OR2T29: variants seen among roughly 807,000 people sequenced by gnomAD.
OR2T29 encodes the protein olfactory receptor 2T29.
For synonymous variants in OR2T29, 2 were observed against 44.9 expected (o/e 0.04, Z 3.82); for missense variants, 7 against 121.9 (o/e 0.06, Z 4.44).
rs1659467447 is a variant in OR2T29, at chr1:248,557,228, A to G, written c.*1316T>C. 1 of 150,104 alleles carries G rather than the reference A, an allele frequency of 6.7e-6. No individual in the cohort carries two copies. The highest frequency in any genetic ancestry group is 2.4e-5 in the African/African-American group (1 of 41,282). 9.3% of individuals were successfully genotyped at this position (150,104 alleles called of 1,614,324 possible). On this transcript the variant is annotated 3_prime_UTR_variant, in exon 2 of 2. Transcript: ENST00000641069. ...AAAATACAAATCTGATCATTTCACTATTGTTTGTAAAACCCTGGGCCACAC... is the reference window on the plus strand; with the variant it reads ...AAAATACAAATCTGATCATTTCACTGTTGTTTGTAAAACCCTGGGCCACAC...
intron 1 of OR2T29, among the ~76,000 whole-genome samples, chr1:248,560,457 CA>C (rs1659523111): frequency 1.3e-5 from 1 of 76,990 alleles, no homozygotes; most frequent in African/African-American, 2.8e-5. Flanking sequence ...AGCTGACTTT[CA>C]AAATAAAAAT....
At position 248,562,742 on chromosome 1, in the gene OR2T29, G is replaced by A. The variant is rs1659544209; in HGVS notation, c.-27C>T. ...CGAACTCACCATCAGATGATGTCTT[G>A]AACCTCACCTAGATGGGCTGGTGGT... On this transcript the variant is annotated 5_prime_UTR_variant, in exon 1 of 2. Transcript: ENST00000641069. 6.9e-6 allele frequency: 1 copy of A among 144,620 alleles called. No homozygotes were observed. Among genetic ancestry groups the A allele is most frequent in the African/African-American group, 2.6e-5 (1 of 38,582 alleles). 9.0% of individuals were successfully genotyped at this position (144,620 alleles called of 1,614,324 possible). A position where few individuals can be genotyped will look rare whatever the true frequency, so the allele number is the denominator to read the frequency against.
intron 1 of OR2T29, among the ~76,000 whole-genome samples, chr1:248,562,218 A>C (rs1363461752): frequency 1.3e-5 from 2 of 150,886 alleles, no homozygotes; most frequent in Non-Finnish European, 3.0e-5. Context: ...TCTCAGCCCG[A>C]GAGTGAGAGC....
At chr1:248,560,215 G>C (rs999079298) in intron 1 of OR2T29, among the ~76,000 whole-genome samples, 2 of 37,574 alleles carry the variant, frequency 5.3e-5, no homozygotes, top group African/African-American at 8.7e-5. Context: ...ACATCAAAAA[G>C]GATAAAAATC....
chr1:248,562,001 A>T (rs910631358), intron 1 of OR2T29, among the ~76,000 whole-genome samples: 1 of 147,450 alleles, frequency 6.8e-6, no homozygotes, highest in Non-Finnish European at 1.5e-5. Context: ...ATTTATTATA[A>T]GTATAAATGG....
At position 248,557,189 on chromosome 1, in the gene OR2T29, C is replaced by G. The variant is rs1316400626; in HGVS notation, c.*1355G>C. 1 of 152,280 alleles carries G rather than the reference C, an allele frequency of 6.6e-6. No individual in the cohort carries two copies. The highest frequency in any genetic ancestry group is 6.5e-5 in the Admixed American group (1 of 15,292). The allele number at this position is 152,280 out of a possible 1,614,324, so 9.4% of individuals were successfully genotyped here. A position where few individuals can be genotyped will look rare whatever the true frequency, so the allele number is the denominator to read the frequency against. The stretch of plus-strand genomic sequence containing the variant: ...TGCACATCTCCAATTGATCACCACA[C>G]AAATAACATTTCTAAAATACAAATC... On this transcript the variant is annotated 3_prime_UTR_variant, in exon 2 of 2. Transcript: ENST00000641069.
rs1270942450 is a variant in OR2T29, at chr1:248,562,561, TAAGA to T, written c.-11+161_-11+164del. 2.1e-5 allele frequency: 3 copies of T among 144,756 alleles called. No homozygotes were observed. The East Asian group carries it at 6.0e-4, about 29-fold the overall frequency. The allele number at this position is 144,756 out of a possible 1,614,324, so 9.0% of individuals were successfully genotyped here. On this transcript the variant is annotated intron_variant, in intron 1 of 1. Coordinates refer to ENST00000641069, the MANE Select transcript of OR2T29 (RefSeq NM_001004694.3). ...GTAAATAAGTGTTGTATAGAAGTTA[TAAGA>T]AAGAATAACATTTGCTTTTCTCCAT... is the stretch of plus-strand genomic sequence containing the variant.
chr1:248,559,058 C>G lies in OR2T29; in HGVS notation c.434G>C (p.Cys145Ser). The G allele has an allele frequency of 3.9e-6, 1 of 253,200 alleles. No homozygotes were observed. The highest frequency in any genetic ancestry group is 6.8e-6 in the Non-Finnish European group (1 of 147,338). The allele number at this position is 253,200 out of a possible 1,614,324, so 15.7% of individuals were successfully genotyped here. ...RYPVLMNHRV[C>S]LFLASGCWFL... is the part of the protein sequence containing the mutation. ...CCAGCAGCCCGATGCCAGGAAAAGACAGACCCTATGGTTCATGAGGACAGG... is the reference window on the plus strand; with the variant it reads ...CCAGCAGCCCGATGCCAGGAAAAGAGAGACCCTATGGTTCATGAGGACAGG... Residue 145 changes from cysteine (C) to serine (S), a missense_variant, in exon 2 of 2, where the codon TGT becomes TCT. Physicochemically the swap from Cys to Ser is moderately radical, Grantham distance 112. Coordinates refer to ENST00000641069, the MANE Select transcript of OR2T29 (RefSeq NM_001004694.3).
At chr1:248,560,389 TTA>T (rs1659521359) in intron 1 of OR2T29, among the ~76,000 whole-genome samples, 1 of 95,374 alleles carries the variant, frequency 1.0e-5, no homozygotes. Context: ...GCTACTATTA[TTA>T]TATAAGATAT....
chr1:248,558,191 C>CTCTA lies in OR2T29; in HGVS notation c.*349_*352dup, dbSNP rs1234202711. ...GAACTCAGTTTGTTTCATTGCCCCT[C>CTCTA]TCTATCTCCCTCCCTCTTTCCCTCT... On this transcript the variant is annotated 3_prime_UTR_variant, in exon 2 of 2. Transcript: ENST00000641069. The CTCTA allele has an allele frequency of 1.4e-4, 15 of 110,898 alleles. No individual in the cohort carries two copies. The highest frequency in any genetic ancestry group is 5.0e-4 in the African/African-American group (15 of 29,834). 6.9% of individuals were successfully genotyped at this position (110,898 alleles called of 1,614,324 possible). A position where few individuals can be genotyped will look rare whatever the true frequency, so the allele number is the denominator to read the frequency against.
intron 1 of OR2T29, among the ~76,000 whole-genome samples, chr1:248,559,940 TAAGA>T (rs1051827183): frequency 4.6e-5 from 1 of 21,808 alleles, no homozygotes; most frequent in Non-Finnish European, 2.1e-4. Flanking sequence ...ATATATGATA[TAAGA>T]AAGATTTAGC....
chr1:248,562,648 T>C (rs1423810330), intron 1 of OR2T29, 78 bp downstream of exon 1: 1 of 145,102 alleles, frequency 6.9e-6, no homozygotes, highest in Non-Finnish European at 1.5e-5. Flanking sequence ...ATAGAACGTT[T>C]CAGAAGCAGA....
Position 248,559,472 on chromosome 1 carries a change from A to G in OR2T29, c.20T>C (p.Met7Thr). The change falls in exon 2 of 2, where the codon ATG (methionine) becomes ACG (threonine). Residue 7 changes from methionine (M) to threonine (T), a missense_variant. By Grantham distance (81) the Met-to-Thr change is moderately conservative. Coordinates refer to ENST00000641069, the MANE Select transcript of OR2T29 (RefSeq NM_001004694.3). Reference protein sequence around the residue: MANITRMANHTGRLDFI... With the variant: MANITRTANHTGRLDFI... The stretch of plus-strand genomic sequence containing the variant: ...ATCCAACCTTCCAGTGTGGTTGGCC[A>G]TCCTGGTGATGTTGGCCATGAGGTT... The G allele has an allele frequency of 1.9e-6, 3 of 1,586,530 alleles. No individual in the cohort carries two copies.
At chr1:248,562,132 T>C (rs1366887279) in intron 1 of OR2T29, among the ~76,000 whole-genome samples, 1 of 148,942 alleles carries the variant, frequency 6.7e-6, no homozygotes, top group Non-Finnish European at 1.5e-5. Flanking sequence ...TTATTTTCTC[T>C]CTTTACATAT....
rs199668161 is a variant in OR2T29, at chr1:248,558,094, A to AAAAT, written c.*449_*450insATTT. The AAAAT allele has an allele frequency of 9.6e-6, 1 of 104,286 alleles. No individual in the cohort carries two copies. The allele number at this position is 104,286 out of a possible 1,614,324, so 6.5% of individuals were successfully genotyped here. A position where few individuals can be genotyped will look rare whatever the true frequency, so the allele number is the denominator to read the frequency against. ...TTGTAAATGATTTCAACTTCACAAA[A>AAAAT]ATCATTAAAAAACAATAGTACAATT... On this transcript the variant is annotated 3_prime_UTR_variant, in exon 2 of 2. Transcript: ENST00000641069.
chr1:248,562,052 G>T (rs1471633916), intron 1 of OR2T29, among the ~76,000 whole-genome samples: 1 of 142,528 alleles, frequency 7.0e-6, no homozygotes, highest in Admixed American at 6.9e-5. Flanking sequence ...CCCAGGAATT[G>T]TTCTAATACT....
intron 1 of OR2T29, among the ~76,000 whole-genome samples, chr1:248,560,574 A>AGT (rs1386284888): frequency 9.0e-4 from 20 of 22,150 alleles, no homozygotes; most frequent in African/African-American, 1.1e-3. Context: ...ATATAAATAT[A>AGT]TATAATATAT....
chr1:248,561,857 A>G (rs1190010355), intron 1 of OR2T29, among the ~76,000 whole-genome samples: 1 of 107,676 alleles, frequency 9.3e-6, no homozygotes, highest in Non-Finnish European at 1.8e-5. Context: ...AGCCACTATC[A>G]ACAGCTCAAC....
Position 248,557,127 on chromosome 1 carries a change from A to G in OR2T29, c.*1417T>C, listed in dbSNP as rs1404751604. 1 of 152,388 alleles carries G rather than the reference A, an allele frequency of 6.6e-6. No homozygotes were observed. 9.4% of individuals were successfully genotyped at this position (152,388 alleles called of 1,614,324 possible). A position where few individuals can be genotyped will look rare whatever the true frequency, so the allele number is the denominator to read the frequency against. ...CACTTAGATCAACATCATTTAGATC[A>G]CCATTCTCATGTACCTGGTCTCTAT... On this transcript the variant is annotated 3_prime_UTR_variant, in exon 2 of 2. Coordinates refer to ENST00000641069, the MANE Select transcript of OR2T29 (RefSeq NM_001004694.3).
Sources: allele counts gnomAD v4.1 joint callset (sites outside exome capture counted in the v4.1 genomes callset), GRCh38; gene constraint gnomAD v4.1.1; transcripts MANE v1.5; gene names NCBI Gene and HGNC (gene_info 2026-07-23, HGNC 2026-07-21).